The following CNTNAP2 variants were observed in gnomAD, a reference collection of about 807,000 sequenced individuals.
The protein encoded by CNTNAP2 is contactin associated protein 2.
Under a neutral mutation model 155.2 loss-of-function variants are expected in CNTNAP2, and 98 were observed. The ratio of observed to expected loss-of-function variants is 0.63; its 90% CI spans 0.54 to 0.75. CNTNAP2 has a LOEUF of 0.75. Ranked by LOEUF, CNTNAP2 falls within the 30% of genes least tolerant of loss-of-function variation. The pLI, the probability that CNTNAP2 is intolerant of heterozygous loss-of-function variation, is 0.00. For synonymous variants in CNTNAP2, 651 were observed against 631.2 expected, an observed-to-expected ratio of 1.03 and a Z score of -0.47; for missense variants, 1,727 against 1,688.1, an observed-to-expected ratio of 1.02 and a Z score of -0.40.
intron 13 of CNTNAP2, among the ~76,000 whole-genome samples, chr7:147,852,361 A>T (rs945248238): frequency 1.3e-5 from 2 of 152,186 alleles, no homozygotes; most frequent in South Asian, 2.1e-4. Flanking sequence ...TTCCAAAAAT[A>T]TGTTAAGATG....
At chr7:148,025,815 T>C (rs938488147) in intron 15 of CNTNAP2, among the ~76,000 whole-genome samples, 2 of 152,162 alleles carry the variant, frequency 1.3e-5, no homozygotes, top group Admixed American at 1.3e-4. Context: ...AATGAAAAAA[T>C]TATCCATAAT....
chr7:146,572,963 G>T (rs888167763), intron 1 of CNTNAP2, among the ~76,000 whole-genome samples: 1 of 152,144 alleles, frequency 6.6e-6, no homozygotes, highest in Non-Finnish European at 1.5e-5. Context: ...TGTGAAACTT[G>T]TGTAGATAAG....
intron 11 of CNTNAP2, among the ~76,000 whole-genome samples, chr7:147,558,985 G>A (rs931446332): frequency 1.3e-5 from 2 of 151,940 alleles, no homozygotes; most frequent in Admixed American, 6.6e-5. Flanking sequence ...TTCAGCCCAC[G>A]TTGGCCTCCC....
rs538132438 is a variant in CNTNAP2 at position 148,165,766 on chromosome 7, T to G, written c.2774-6476T>G. On this transcript the variant is annotated intron_variant, in intron 17 of 23. Transcript: ENST00000361727. ...ATCCCTGCTTGCTGCCTCCCATACA[T>G]CAAATTGTGCCTGGCATCATCGTGC... 5.3e-5 allele frequency among the ~76,000 whole-genome samples: 8 copies of G among 152,274 alleles called. No homozygotes were observed. In the East Asian group the frequency reaches 1.5e-3, roughly 29 times the overall value.
chr7:146,133,631 T>C (rs1435812282), intron 1 of CNTNAP2, among the ~76,000 whole-genome samples: 1 of 152,148 alleles, frequency 6.6e-6, no homozygotes, highest in Non-Finnish European at 1.5e-5. Context: ...TTTCTACATA[T>C]GGCTAGCCAG....
chr7:146,974,692 A>G (rs1442428700), intron 3 of CNTNAP2, among the ~76,000 whole-genome samples: 1 of 152,148 alleles, frequency 6.6e-6, no homozygotes, highest in East Asian at 1.9e-4. Context: ...TAAAAGAATG[A>G]CTTACTCTTT....
At chr7:147,995,374 C>G (rs574135735) in intron 15 of CNTNAP2, among the ~76,000 whole-genome samples, 3 of 152,264 alleles carry the variant, frequency 2.0e-5, no homozygotes, top group Admixed American at 6.5e-5. Context: ...GCTCCCCAAA[C>G]CCTTCTCCAC....
chr7:146,967,168 G>T (rs1388054932), intron 3 of CNTNAP2, among the ~76,000 whole-genome samples: 2 of 152,148 alleles, frequency 1.3e-5, no homozygotes, highest in African/African-American at 4.8e-5. Context: ...GTAACAAATT[G>T]TTGAATAACT....
intron 4 of CNTNAP2, among the ~76,000 whole-genome samples, chr7:147,072,306 T>C (rs1799908087): frequency 6.6e-6 from 1 of 152,144 alleles, no homozygotes; most frequent in Non-Finnish European, 1.5e-5. Flanking sequence ...GATGGCTTTT[T>C]AGGCAATGTT....
intron 14 of CNTNAP2, among the ~76,000 whole-genome samples, chr7:147,921,328 C>T (rs1237393022): frequency 1.3e-5 from 2 of 152,104 alleles, no homozygotes; most frequent in Non-Finnish European, 2.9e-5. Flanking sequence ...TCCTCATGAT[C>T]CAGATAACCT....
intron 3 of CNTNAP2, among the ~76,000 whole-genome samples, chr7:147,024,072 T>C (rs1222182535): frequency 6.6e-6 from 1 of 152,200 alleles, no homozygotes; most frequent in Non-Finnish European, 1.5e-5. Context: ...ATGCTTATTA[T>C]TAACATGTAG....
chr7:146,641,304 G>C (rs1443231782), intron 1 of CNTNAP2, among the ~76,000 whole-genome samples: 2 of 152,088 alleles, frequency 1.3e-5, no homozygotes, highest in South Asian at 2.1e-4. Flanking sequence ...CCAGCCTGAG[G>C]AACAGAGCGA....
At chr7:146,523,507 C>A (rs1490386400) in intron 1 of CNTNAP2, among the ~76,000 whole-genome samples, 1 of 151,948 alleles carries the variant, frequency 6.6e-6, no homozygotes, top group Non-Finnish European at 1.5e-5. Flanking sequence ...ATATCATGTC[C>A]AAAATAACCT....
chr7:146,376,759 C>A (rs1403771683), intron 1 of CNTNAP2, among the ~76,000 whole-genome samples: 2 of 152,032 alleles, frequency 1.3e-5, no homozygotes, highest in Non-Finnish European at 2.9e-5. Context: ...GAGGTAGGGA[C>A]TTTAGGGAGT....
At chr7:146,861,088 C>G (rs1196013797) in intron 3 of CNTNAP2, among the ~76,000 whole-genome samples, 2 of 151,972 alleles carry the variant, frequency 1.3e-5, no homozygotes, top group African/African-American at 4.8e-5. Context: ...TGAGACCAAG[C>G]CTCATCCTAT....
chr7:147,158,417 T>C (rs1450036862), intron 8 of CNTNAP2, among the ~76,000 whole-genome samples: 1 of 152,126 alleles, frequency 6.6e-6, no homozygotes, highest in Admixed American at 6.6e-5. Flanking sequence ...AGTTCTTCAG[T>C]GACTTTATTC....
At chr7:148,271,249 T>C (rs1329674534) in intron 21 of CNTNAP2, among the ~76,000 whole-genome samples, 2 of 152,224 alleles carry the variant, frequency 1.3e-5, no homozygotes, top group Admixed American at 6.5e-5. Context: ...AACTATTAAG[T>C]TTTCTTCTTA....
intron 3 of CNTNAP2, among the ~76,000 whole-genome samples, chr7:147,004,023 G>A (rs1439343762): frequency 1.3e-5 from 2 of 151,938 alleles, no homozygotes; most frequent in African/African-American, 4.8e-5. Context: ...CAGAGACCCT[G>A]TCTCAGAAAT....
At chr7:146,375,155 A>G (rs940454176) in intron 1 of CNTNAP2, among the ~76,000 whole-genome samples, 2 of 152,250 alleles carry the variant, frequency 1.3e-5, no homozygotes, top group East Asian at 1.9e-4. Context: ...TCAATAAACA[A>G]TACATTTACT....
Sources: gnomAD v4.1 joint callset for allele counts (sites outside exome capture counted in the v4.1 genomes callset) on GRCh38, gnomAD v4.1.1 for gene constraint, MANE v1.5 for transcripts, NCBI Gene and HGNC (gene_info 2026-07-23, HGNC 2026-07-21) for gene names.